HEMK2: variants seen among roughly 807,000 people sequenced by gnomAD.
The protein encoded by HEMK2 is HemK methyltransferase 2, ETF1 glutamine and histone H4 lysine.
At chr21:28,878,343 A>C in the HEMK2 span, 1 of 1,611,666 alleles carries the variant, frequency 6.2e-7, no homozygotes, top group Non-Finnish European at 8.5e-7. Context: ...CCTGTGAACA[A>C]TTAGAAAGAA....
At chr21:28,607,788 G>C in the HEMK2 span, among the ~76,000 whole-genome samples, 554 of 152,280 alleles carry the variant, frequency 3.6e-3, 2 homozygotes, top group Non-Finnish European at 4.4e-3. Context: ...TATAGACGAT[G>C]AGATAATAAA....
At chr21:28,609,774 A>G in the HEMK2 span, among the ~76,000 whole-genome samples, 2 of 152,180 alleles carry the variant, frequency 1.3e-5, no homozygotes, top group African/African-American at 2.4e-5. Flanking sequence ...AATGCACTGG[A>G]AAGTCTCAGC....
the HEMK2 span, among the ~76,000 whole-genome samples, chr21:28,789,438 A>G: frequency 6.6e-6 from 1 of 152,300 alleles, no homozygotes; most frequent in East Asian, 1.9e-4. Context: ...GCAGAGGCCT[A>G]AGGGGCATGG....
chr21:28,664,413 C>T, the HEMK2 span, among the ~76,000 whole-genome samples: 13 of 152,280 alleles, frequency 8.5e-5, no homozygotes, highest in African/African-American at 3.1e-4. Context: ...CATAGGCCCA[C>T]ACTTTGAAGG....
the HEMK2 span, among the ~76,000 whole-genome samples, chr21:28,579,808 G>C: frequency 0.034 from 5,237 of 152,154 alleles, 218 homozygotes; most frequent in East Asian, 0.18. Flanking sequence ...GGCATGCAAA[G>C]GGCCCCAGTT....
the HEMK2 span, among the ~76,000 whole-genome samples, chr21:28,595,614 C>T: frequency 2.0e-5 from 3 of 152,072 alleles, no homozygotes; most frequent in South Asian, 4.2e-4. Flanking sequence ...TTTTGGCTAT[C>T]GTAAACAGAG....
At chr21:28,828,502 C>T in the HEMK2 span, among the ~76,000 whole-genome samples, 35,655 of 152,026 alleles carry the variant, frequency 0.23, 5,894 homozygotes, top group African/African-American at 0.46. Flanking sequence ...GCACCAGTTC[C>T]GAACAACACA....
chr21:28,744,097 T>C, the HEMK2 span, among the ~76,000 whole-genome samples: 1 of 151,122 alleles, frequency 6.6e-6, no homozygotes, highest in African/African-American at 2.4e-5. Context: ...GGGTGGGGGC[T>C]GGGAAGAGGG....
At chr21:28,621,941 C>T in the HEMK2 span, among the ~76,000 whole-genome samples, 25 of 152,138 alleles carry the variant, frequency 1.6e-4, no homozygotes, top group Non-Finnish European at 2.6e-4. Context: ...CGCCCTTCTT[C>T]GTCTTTTTTT....
the HEMK2 span, among the ~76,000 whole-genome samples, chr21:28,673,143 AAG>A: frequency 9.3e-5 from 14 of 149,888 alleles, no homozygotes; most frequent in Middle Eastern, 3.4e-3. Flanking sequence ...AGGAAAGAAA[AAG>A]AGGAAGGAAG....
At chr21:28,685,048 G>C in the HEMK2 span, among the ~76,000 whole-genome samples, 2 of 152,156 alleles carry the variant, frequency 1.3e-5, no homozygotes, top group Non-Finnish European at 2.9e-5. Context: ...GGGAGAATGA[G>C]AGAGTTGGGA....
At chr21:28,827,413 T>A in the HEMK2 span, among the ~76,000 whole-genome samples, 1 of 152,338 alleles carries the variant, frequency 6.6e-6, no homozygotes, top group South Asian at 2.1e-4. Context: ...TTCTGAGAGA[T>A]CAGAGTCTCA....
the HEMK2 span, chr21:28,878,412 T>C: frequency 1.3e-6 from 2 of 1,529,926 alleles, no homozygotes; most frequent in East Asian, 2.3e-5. Flanking sequence ...TGACAAGTAA[T>C]ATCACCAAAA....
At chr21:28,722,737 A>G in the HEMK2 span, among the ~76,000 whole-genome samples, 1 of 152,126 alleles carries the variant, frequency 6.6e-6, no homozygotes, top group East Asian at 1.9e-4. Flanking sequence ...CAAAAAAATT[A>G]GCCGGGCATG....
the HEMK2 span, among the ~76,000 whole-genome samples, chr21:28,868,870 C>T: frequency 6.6e-6 from 1 of 152,012 alleles, no homozygotes; most frequent in African/African-American, 2.4e-5. Flanking sequence ...TTTCCTAAGC[C>T]CTCTTATTAT....
At chr21:28,611,955 G>C in the HEMK2 span, among the ~76,000 whole-genome samples, 1 of 149,970 alleles carries the variant, frequency 6.7e-6, no homozygotes, top group African/African-American at 2.4e-5. Context: ...AAAATTTCAG[G>C]ACAGACGAAT....
At chr21:28,733,667 C>G in the HEMK2 span, among the ~76,000 whole-genome samples, 1 of 152,146 alleles carries the variant, frequency 6.6e-6, no homozygotes, top group East Asian at 1.9e-4. Context: ...TTTTCACACA[C>G]AGGAGTTTTG....
the HEMK2 span, among the ~76,000 whole-genome samples, chr21:28,848,607 A>T: frequency 6.6e-6 from 1 of 152,180 alleles, no homozygotes; most frequent in Non-Finnish European, 1.5e-5. Flanking sequence ...ATTTTAATAC[A>T]TTCTCTTTTA....
At chr21:28,630,573 T>C in the HEMK2 span, among the ~76,000 whole-genome samples, 1 of 151,592 alleles carries the variant, frequency 6.6e-6, no homozygotes, top group Non-Finnish European at 1.5e-5. Flanking sequence ...ATGTGGCACA[T>C]ATACACCATG....
Sources: allele counts gnomAD v4.1 joint callset (sites outside exome capture counted in the v4.1 genomes callset), GRCh38; gene constraint gnomAD v4.1.1; transcripts MANE v1.5; gene names NCBI Gene and HGNC (gene_info 2026-07-23, HGNC 2026-07-21).